Variants in RYR2 observed in about 807,000 individuals in gnomAD.
RYR2 encodes cardiac muscle ryanodine receptor-calcium release channel.
RYR2 carries 227 observed loss-of-function variants against 601.1 expected under a neutral mutation model. The observed-to-expected ratio is 0.38, with a 90% CI of 0.34 to 0.42. The LOEUF is 0.42. Ranked by LOEUF, RYR2 falls within the 10% of genes least tolerant of loss-of-function variation. The pLI is 1.00. For synonymous variants in RYR2, 2,223 were observed against 2,175.1 expected (o/e 1.02, Z -0.61); for missense variants, 4,646 against 6,156.5 (o/e 0.75, Z 8.21).
chr1:237,056,283 C>A (rs567530824), intron 1 of RYR2, among the ~76,000 whole-genome samples: 5 of 129,888 alleles, frequency 3.8e-5, no homozygotes, highest in African/African-American at 1.5e-4. Flanking sequence ...AGAGACTATA[C>A]CTGTGAGGAC....
intron 88 of RYR2, among the ~76,000 whole-genome samples, chr1:237,781,074 A>G (rs190012467): frequency 0.011 from 1,645 of 151,924 alleles, 17 homozygotes; most frequent in Middle Eastern, 0.021. Flanking sequence ...TCTGAGACCC[A>G]GTCTTGCTCT....
At chr1:237,427,862 A>G (rs1175230218) in intron 12 of RYR2, among the ~76,000 whole-genome samples, 1 of 151,174 alleles carries the variant, frequency 6.6e-6, no homozygotes, top group Non-Finnish European at 1.5e-5. Flanking sequence ...AAACTAAAGC[A>G]TTGCAGGAGA....
At position 237,046,514 on chromosome 1, in the gene RYR2, A is replaced by G. The variant is rs903830587; in HGVS notation, c.48+3945A>G. 9.8e-5 allele frequency among the ~76,000 whole-genome samples: 15 copies of G among 152,326 alleles called. No homozygotes were observed. The East Asian group carries it at 1.2e-3, about 12-fold the overall frequency. On this transcript the variant is annotated intron_variant, in intron 1 of 104. Coordinates refer to ENST00000366574, the MANE Select transcript of RYR2 (RefSeq NM_001035.3). ...TACGAGGAGCTTTAGATAGATATGC[A>G]CTATGGTATTTTCCCAAGGAACTGA... is the stretch of plus-strand genomic sequence containing the variant.
At chr1:237,391,162 C>T (rs1702347375) in intron 10 of RYR2, among the ~76,000 whole-genome samples, 1 of 152,048 alleles carries the variant, frequency 6.6e-6, no homozygotes, top group African/African-American at 2.4e-5. Flanking sequence ...AGTTTTCAAC[C>T]TCCCTCTGTT....
chr1:237,219,168 C>T (rs1404883559), intron 1 of RYR2, among the ~76,000 whole-genome samples: 3 of 152,084 alleles, frequency 2.0e-5, no homozygotes, highest in African/African-American at 7.2e-5. Context: ...TGTGCCACCC[C>T]GCCCAGCTAA....
chr1:237,800,873 G>C (rs1659878638), intron 97 of RYR2, among the ~76,000 whole-genome samples: 1 of 151,986 alleles, frequency 6.6e-6, no homozygotes, highest in African/African-American at 2.4e-5. Flanking sequence ...ACAAGTGAGA[G>C]AGGCATATAA....
At chr1:237,708,270 A>G (rs991692945) in intron 68 of RYR2, among the ~76,000 whole-genome samples, 8 of 152,174 alleles carry the variant, frequency 5.3e-5, no homozygotes, top group African/African-American at 1.9e-4. Context: ...TGGGTAGATG[A>G]TTATGGTTGA....
At chr1:237,242,518 T>C (rs1005754754) in intron 1 of RYR2, among the ~76,000 whole-genome samples, 10 of 152,106 alleles carry the variant, frequency 6.6e-5, no homozygotes, top group African/African-American at 2.2e-4. Context: ...GTGAAGTAGA[T>C]ACTTTTGAGC....
At chr1:237,072,225 G>A (rs915260723) in intron 1 of RYR2, among the ~76,000 whole-genome samples, 17 of 152,212 alleles carry the variant, frequency 1.1e-4, no homozygotes, top group African/African-American at 2.7e-4. Flanking sequence ...TGCCTCCCCC[G>A]CTGCAGCTGG....
chr1:237,321,522 G>A lies in RYR2; in HGVS notation c.169-9356G>A, dbSNP rs184689182. ...AAGTGGGCCAAGGATGTTGGTAGAG[G>A]ATCACTAGGTTCGATGTCATTGAGT... is the stretch of plus-strand genomic sequence containing the variant. On this transcript the variant is annotated intron_variant, in intron 2 of 104. Coordinates refer to ENST00000366574, the MANE Select transcript of RYR2 (RefSeq NM_001035.3). Among the ~76,000 whole-genome samples the A allele has an allele frequency of 5.7e-4, 87 of 152,286 alleles. 1 individual carries two copies. Among genetic ancestry groups the A allele is most frequent in the Admixed American group, 2.4e-3 (37 of 15,298 alleles).
chr1:237,731,828 T>C (rs368559772), intron 77 of RYR2, among the ~76,000 whole-genome samples: 8 of 151,960 alleles, frequency 5.3e-5, no homozygotes, highest in African/African-American at 1.7e-4. Flanking sequence ...CACATATACA[T>C]ACAAGCTTTT....
chr1:237,109,902 C>T (rs935541907), intron 1 of RYR2, among the ~76,000 whole-genome samples: 2 of 151,948 alleles, frequency 1.3e-5, no homozygotes, highest in Admixed American at 1.3e-4. Flanking sequence ...TGGCTTTGTG[C>T]ACCGAGAAAA....
At chr1:237,584,668 T>TTTTTTG (rs1674325760) in intron 29 of RYR2, among the ~76,000 whole-genome samples, 1 of 144,300 alleles carries the variant, frequency 6.9e-6, no homozygotes, top group African/African-American at 2.6e-5. Flanking sequence ...TTTTTTTTTT[T>TTTTTTG]TTTTTGAGAC....
At chr1:237,318,914 T>C (rs1017477591) in intron 2 of RYR2, among the ~76,000 whole-genome samples, 2 of 152,090 alleles carry the variant, frequency 1.3e-5, no homozygotes, top group African/African-American at 4.8e-5. Flanking sequence ...ACCGCTTCTT[T>C]CTCTCCTATT....
In RYR2 at chr1:237,757,678, A is replaced by G. The variant is rs1693073547; in HGVS notation, c.11246-19A>G. Reference sequence around the variant, plus strand: ...AAGGCGAAATGATATAAGGAACACTACTTTTTTATATTTCTTAGGTGAAAC... The same window carrying G: ...AAGGCGAAATGATATAAGGAACACTGCTTTTTTATATTTCTTAGGTGAAAC... On this transcript the variant is annotated intron_variant, in intron 81 of 104. Coordinates refer to ENST00000366574, the MANE Select transcript of RYR2 (RefSeq NM_001035.3). 2 of 1,528,028 alleles carry G rather than the reference A, an allele frequency of 1.3e-6. No individual in the cohort carries two copies. Among genetic ancestry groups the G allele is most frequent in the Admixed American group, 1.7e-5 (1 of 59,850 alleles). The allele number at this position is 1,528,028 out of a possible 1,614,324, so 94.7% of individuals were successfully genotyped here.
chr1:237,421,339 CTTGT>C (rs1168624431), intron 11 of RYR2, among the ~76,000 whole-genome samples: 1 of 152,152 alleles, frequency 6.6e-6, no homozygotes, highest in Non-Finnish European at 1.5e-5. Flanking sequence ...TTTTAAAAAG[CTTGT>C]TTATTTCCAA....
chr1:237,370,324 A>G (rs897740559), intron 6 of RYR2, among the ~76,000 whole-genome samples: 1 of 152,096 alleles, frequency 6.6e-6, no homozygotes, highest in Admixed American at 6.6e-5. Context: ...CCCCCTGTTG[A>G]CCAGAAGCCT....
chr1:237,331,365 A>G (rs143482303), intron 3 of RYR2, among the ~76,000 whole-genome samples: 107 of 152,238 alleles, frequency 7.0e-4, no homozygotes, highest in African/African-American at 2.3e-3. Flanking sequence ...TCACTATGTG[A>G]CTATGTTCTG....
intron 1 of RYR2, among the ~76,000 whole-genome samples, chr1:237,090,509 T>C (rs553513119): frequency 3.5e-4 from 53 of 152,050 alleles, no homozygotes; most frequent in African/African-American, 1.3e-3. Context: ...TCCCCTAGAG[T>C]CACTAGAAGG....
Sources: gnomAD v4.1 joint callset for allele counts (sites outside exome capture counted in the v4.1 genomes callset) on GRCh38, gnomAD v4.1.1 for gene constraint, MANE v1.5 for transcripts, NCBI Gene and HGNC (gene_info 2026-07-23, HGNC 2026-07-21) for gene names.